The following DLGAP2 variants were observed in gnomAD, a reference collection of about 807,000 sequenced individuals.
DLGAP2 encodes the protein disks large-associated protein 2.
A neutral mutation model predicts 100.3 loss-of-function variants in DLGAP2; 26 were observed. The ratio of observed to expected loss-of-function variants is 0.26; its 90% CI spans 0.19 to 0.36. The LOEUF (loss-of-function observed/expected upper bound fraction) is 0.36. DLGAP2 is among the 10% of genes least tolerant of loss of function. DLGAP2 has a pLI of 1.00. For missense variants in DLGAP2, 1,858 were observed against 1,453.2 expected, an observed-to-expected ratio of 1.28 and a Z score of -4.53; for synonymous variants, 886 against 630.1, an observed-to-expected ratio of 1.41 and a Z score of -6.08.
chr8:1,370,471 C>T (rs1802210851), intron 3 of DLGAP2, among the ~76,000 whole-genome samples: 2 of 152,210 alleles, frequency 1.3e-5, no homozygotes, highest in African/African-American at 2.4e-5. Context: ...TTGGGGCATT[C>T]CACTCTCCTT....
chr8:1,582,872 T>C (rs1335254774), intron 6 of DLGAP2, among the ~76,000 whole-genome samples: 1 of 152,198 alleles, frequency 6.6e-6, no homozygotes, highest in African/African-American at 2.4e-5. Flanking sequence ...AAGGAAGTTC[T>C]TTAAGCATGG....
chr8:1,133,830 C>T (rs111648347), intron 2 of DLGAP2, among the ~76,000 whole-genome samples: 4,865 of 151,554 alleles, frequency 0.032, 117 homozygotes, highest in Middle Eastern at 0.041. Flanking sequence ...TCATAAAATC[C>T]GTATTGGGAA....
chr8:1,315,370 C>T (rs1317616979), intron 3 of DLGAP2, among the ~76,000 whole-genome samples: 1 of 142,332 alleles, frequency 7.0e-6, no homozygotes, highest in South Asian at 2.3e-4. Flanking sequence ...TATGCGAGTG[C>T]AGCGTCTCTC....
intron 3 of DLGAP2, among the ~76,000 whole-genome samples, chr8:1,434,038 T>C (rs1451796410): frequency 6.6e-6 from 1 of 152,028 alleles, no homozygotes; most frequent in Non-Finnish European, 1.5e-5. Flanking sequence ...TGCAAGAAAG[T>C]GTTTTTGCGA....
At chr8:1,012,526 G>A (rs1367220672) in intron 2 of DLGAP2, among the ~76,000 whole-genome samples, 31 of 139,656 alleles carry the variant, frequency 2.2e-4, no homozygotes, top group Non-Finnish European at 4.0e-4. Flanking sequence ...GACAACGTCC[G>A]ACCAGCCCCC....
intron 6 of DLGAP2, among the ~76,000 whole-genome samples, chr8:1,567,251 T>G (rs1232581397): frequency 6.6e-6 from 1 of 152,192 alleles, no homozygotes; most frequent in Admixed American, 6.5e-5. Flanking sequence ...CACCCACCTT[T>G]TATTTGGCAC....
intron 1 of DLGAP2, among the ~76,000 whole-genome samples, chr8:774,781 G>A (rs1469876855): frequency 6.0e-5 from 9 of 148,826 alleles, no homozygotes; most frequent in Admixed American, 4.0e-4. Flanking sequence ...GTCAGGTAGT[G>A]TGATGCCTCC....
intron 3 of DLGAP2, among the ~76,000 whole-genome samples, chr8:1,388,015 T>C (rs1460646879): frequency 6.6e-6 from 1 of 152,184 alleles, no homozygotes; most frequent in Non-Finnish European, 1.5e-5. Flanking sequence ...TGCTGGAGAC[T>C]CACTGGCCAG....
chr8:804,354 A>C (rs1468620984), intron 1 of DLGAP2, among the ~76,000 whole-genome samples: 1 of 152,186 alleles, frequency 6.6e-6, no homozygotes, highest in Non-Finnish European at 1.5e-5. Context: ...GCAGGCAGCG[A>C]TGGTCTCTGT....
chr8:1,672,577 G>T (rs1798717895), intron 10 of DLGAP2, among the ~76,000 whole-genome samples: 1 of 152,128 alleles, frequency 6.6e-6, no homozygotes, highest in African/African-American at 2.4e-5. Context: ...GAGAAGGCAG[G>T]GGCAGCCTGG....
chr8:1,686,455 G>C (rs761932817), intron 12 of DLGAP2, among the ~76,000 whole-genome samples: 3 of 152,160 alleles, frequency 2.0e-5, no homozygotes, highest in Non-Finnish European at 4.4e-5. Flanking sequence ...ATCACCTGAG[G>C]TCAGGAGTTT....
At chr8:1,143,125 G>C (rs913117231) in intron 2 of DLGAP2, among the ~76,000 whole-genome samples, 1 of 152,178 alleles carries the variant, frequency 6.6e-6, no homozygotes, top group Admixed American at 6.6e-5. Flanking sequence ...CCTCCAGCCA[G>C]GGTTCTCTCC....
intron 2 of DLGAP2, among the ~76,000 whole-genome samples, chr8:1,132,583 A>C (rs1409304075): frequency 6.6e-6 from 1 of 152,202 alleles, no homozygotes; most frequent in Non-Finnish European, 1.5e-5. Context: ...GCTGGCATGC[A>C]CTCGCCCAAC....
intron 2 of DLGAP2, among the ~76,000 whole-genome samples, chr8:1,058,255 C>T (rs372699926): frequency 1.3e-5 from 2 of 152,090 alleles, no homozygotes; most frequent in Non-Finnish European, 2.9e-5. Flanking sequence ...TGCTAAAGAC[C>T]TTCTTTTGGA....
intron 2 of DLGAP2, among the ~76,000 whole-genome samples, chr8:963,200 C>G (rs1244453930): frequency 6.6e-6 from 1 of 152,122 alleles, no homozygotes; most frequent in African/African-American, 2.4e-5. Context: ...TAGGACCTTG[C>G]CTGCAGGGAG....
intron 3 of DLGAP2, among the ~76,000 whole-genome samples, chr8:1,344,274 C>T (rs1265811093): frequency 2.0e-5 from 3 of 147,844 alleles, no homozygotes; most frequent in Non-Finnish European, 4.4e-5. Context: ...GAGCTACGTG[C>T]CCAGGCATTG....
chr8:1,491,381 G>GCCGCTCCCC, intron 3 of DLGAP2, among the ~76,000 whole-genome samples: 1 of 152,164 alleles, frequency 6.6e-6, no homozygotes, highest in South Asian at 2.1e-4. Context: ...GAGGCTTCGG[G>GCCGCTCCCC]CTGCTCCCCC....
At position 933,563 on chromosome 8, in the gene DLGAP2, C is replaced by A. The variant is rs554491016; in HGVS notation, c.73+25597C>A. ...GCATGAGGGGAGGGTGAGGGCAGAG[C>A]CTGCTGTGGAGACATCTGGCCGTGG... On this transcript the variant is annotated intron_variant, in intron 2 of 14. Coordinates refer to ENST00000637795, the MANE Select transcript of DLGAP2 (RefSeq NM_001346810.2). Among the ~76,000 whole-genome samples the A allele has an allele frequency of 1.8e-4, 18 of 101,138 alleles. 1 individual carries two copies. The highest frequency in any genetic ancestry group is 7.0e-4 in the African/African-American group (17 of 24,304). The allele number at this position is 101,138 out of a possible 152,430, so 66.4% of individuals were successfully genotyped here. A position where few individuals can be genotyped will look rare whatever the true frequency, so the allele number is the denominator to read the frequency against.
chr8:1,681,314 T>C (rs568877152), intron 12 of DLGAP2, among the ~76,000 whole-genome samples: 14 of 149,936 alleles, frequency 9.3e-5, no homozygotes, highest in African/African-American at 3.5e-4. Flanking sequence ...GATTATCATT[T>C]TTGAAAAGAT....
Sources: allele counts gnomAD v4.1 joint callset (sites outside exome capture counted in the v4.1 genomes callset), GRCh38; gene constraint gnomAD v4.1.1; transcripts MANE v1.5; gene names NCBI Gene and HGNC (gene_info 2026-07-23, HGNC 2026-07-21).